CDC42BPA: variants seen among roughly 807,000 people sequenced by gnomAD.
CDC42BPA encodes the protein CDC42 binding protein kinase alpha.
CDC42BPA carries 80 observed loss-of-function variants against 223.5 expected under a neutral mutation model. That is an observed-to-expected ratio of 0.36 (90% confidence interval 0.30 to 0.43). The LOEUF (loss-of-function observed/expected upper bound fraction) is 0.43. Among genes scored for constraint, CDC42BPA ranks in the 20% least tolerant of loss-of-function variants. CDC42BPA has a pLI of 1.00. For missense variants in CDC42BPA, 1,743 were observed against 2,099.9 expected (o/e 0.83, Z 3.32); for synonymous variants, 694 against 718.6 (o/e 0.97, Z 0.55).
intron 5 of CDC42BPA, among the ~76,000 whole-genome samples, chr1:227,187,380 A>AG (rs1668944377): frequency 6.6e-6 from 1 of 151,988 alleles, no homozygotes; most frequent in Non-Finnish European, 1.5e-5. Flanking sequence ...AATAAATAAT[A>AG]TTTTTGATGA....
At chr1:227,257,883 A>G (rs1252271083) in intron 1 of CDC42BPA, among the ~76,000 whole-genome samples, 1 of 151,076 alleles carries the variant, frequency 6.6e-6, no homozygotes, top group Non-Finnish European at 1.5e-5. Context: ...CTAGAACTAA[A>G]AATGGGGCCG....
At chr1:227,090,075 G>A (rs1682796781) in intron 16 of CDC42BPA, among the ~76,000 whole-genome samples, 1 of 152,116 alleles carries the variant, frequency 6.6e-6, no homozygotes, top group Non-Finnish European at 1.5e-5. Flanking sequence ...GGAAATAACT[G>A]TTAAAGTTCA....
intron 35 of CDC42BPA, among the ~76,000 whole-genome samples, chr1:226,999,378 A>G (rs1662306730): frequency 6.6e-6 from 1 of 152,074 alleles, no homozygotes; most frequent in Non-Finnish European, 1.5e-5. Context: ...GGTTTTCACC[A>G]TCTTAGCAAG....
chr1:227,022,830 A>G (rs900789370), intron 32 of CDC42BPA, among the ~76,000 whole-genome samples: 3 of 152,044 alleles, frequency 2.0e-5, no homozygotes, highest in Non-Finnish European at 2.9e-5. Context: ...GCTTCTTCCT[A>G]TGCTGACATC....
rs1694653165 is a variant in CDC42BPA, at chr1:227,317,890, T to C, written c.-708A>G. 2.5e-6 allele frequency: 1 copy of C among 398,618 alleles called. No homozygotes were observed. The highest frequency in any genetic ancestry group is 4.4e-6 in the Non-Finnish European group (1 of 226,060). The allele number at this position is 398,618 out of a possible 1,614,324, so 24.7% of individuals were successfully genotyped here. A position where few individuals can be genotyped will look rare whatever the true frequency, so the allele number is the denominator to read the frequency against. ...CTTTAAGGCTTTGCAGTCAGTCCTA[T>C]TTTCAACGGATTCCGGTGAAAACTC... On this transcript the variant is annotated 5_prime_UTR_variant, in exon 1 of 37. Coordinates refer to ENST00000366766, the MANE Select transcript of CDC42BPA (RefSeq NM_001394014.1).
intron 21 of CDC42BPA, among the ~76,000 whole-genome samples, chr1:227,065,893 T>A (rs1220433409): frequency 6.6e-6 from 1 of 152,172 alleles, no homozygotes; most frequent in Non-Finnish European, 1.5e-5. Flanking sequence ...TTCCCTTCTA[T>A]ACGTACAAGT....
chr1:227,284,527 TA>T (rs1452759541), intron 1 of CDC42BPA, among the ~76,000 whole-genome samples: 3 of 152,192 alleles, frequency 2.0e-5, no homozygotes, highest in Non-Finnish European at 4.4e-5. Flanking sequence ...TTAATACTAA[TA>T]GCACTGGAGA....
chr1:227,019,487 G>A (rs565733931), intron 32 of CDC42BPA, among the ~76,000 whole-genome samples: 2 of 152,166 alleles, frequency 1.3e-5, no homozygotes, highest in South Asian at 2.1e-4. Flanking sequence ...AATCACATAC[G>A]TTCTTAATGG....
rs146133459 is a variant in CDC42BPA at position 227,308,379 on chromosome 1, G to T, written c.178+8626C>A. 2.2e-3 allele frequency among the ~76,000 whole-genome samples: 334 copies of T among 151,914 alleles called. 9 individuals carry two copies. The East Asian group carries it at 0.046, about 21-fold the overall frequency. ...AAAAAAATTAGCCAGGCATGGCAGC[G>T]TGCACCTGTAGTCCCAGCTCCTTGG... On this transcript the variant is annotated intron_variant, in intron 1 of 36. Coordinates refer to ENST00000366766, the MANE Select transcript of CDC42BPA (RefSeq NM_001394014.1).
At chr1:227,240,317 C>A (rs1270570712) in intron 2 of CDC42BPA, among the ~76,000 whole-genome samples, 1 of 152,042 alleles carries the variant, frequency 6.6e-6, no homozygotes, top group East Asian at 1.9e-4. Flanking sequence ...CAGAGACTAA[C>A]AGACTCAACA....
chr1:227,040,939 A>G (rs1671239335), intron 23 of CDC42BPA, among the ~76,000 whole-genome samples: 1 of 152,196 alleles, frequency 6.6e-6, no homozygotes, highest in African/African-American at 2.4e-5. Context: ...TTCTCTTAGC[A>G]TGTTTTAACA....
In CDC42BPA at chr1:227,074,261, T is replaced by C. The variant is rs1042527874; in HGVS notation, c.2584A>G (p.Thr862Ala). 3.1e-6 allele frequency: 5 copies of C among 1,609,298 alleles called. No individual in the cohort carries two copies. The highest frequency in any genetic ancestry group is 4.3e-6 in the Non-Finnish European group (5 of 1,176,104). ...CATGCAAAATCATAGAAGCTTACTG[T>C]TGCTCGTGTACCCAAGCTGGAATTT... ...LRNSSLGTRA[T>A]DMPWKMRRFA... is the part of the protein sequence containing the mutation. Residue 862 changes from threonine to alanine, a missense_variant and splice_region_variant, in exon 18 of 37, where the codon ACA (threonine) becomes GCA (alanine). Physicochemically the swap from Thr to Ala is moderately conservative, Grantham distance 58. Transcript: ENST00000366766.
intron 35 of CDC42BPA, among the ~76,000 whole-genome samples, chr1:227,000,490 A>G (rs1662595700): frequency 6.6e-6 from 1 of 152,196 alleles, no homozygotes; most frequent in Non-Finnish European, 1.5e-5. Flanking sequence ...CTGCTTACTA[A>G]TGGTGTGACC....
intron 5 of CDC42BPA, among the ~76,000 whole-genome samples, chr1:227,186,243 T>A (rs997642876): frequency 7.9e-5 from 12 of 152,304 alleles, no homozygotes; most frequent in Non-Finnish European, 7.4e-5. Context: ...AACCAGGTCC[T>A]CATAGTGAAT....
At position 227,112,838 on chromosome 1, in the gene CDC42BPA, C is replaced by G; in HGVS notation, c.1723G>C (p.Ala575Pro). Reference protein sequence around the residue: ...LKDAHCQRKLAMQEFMEINER... With the variant: ...LKDAHCQRKLPMQEFMEINER... ...TTGATCTCCATGAATTCCTGCATGG[C>G]CAGTTTCCTCTGACAGTGTGCGTCT... is the stretch of plus-strand genomic sequence containing the variant. The change falls in exon 13 of 37, where the codon GCC becomes CCC. Residue 575 changes from alanine (A) to proline (P), a missense_variant. Physicochemically the swap from Ala to Pro is conservative, Grantham distance 27 (BLOSUM62 -1). Transcript: ENST00000366766. The G allele has an allele frequency of 6.2e-7, 1 of 1,614,012 alleles. No individual in the cohort carries two copies. The highest frequency in any genetic ancestry group is 2.2e-5 in the East Asian group (1 of 44,874).
intron 1 of CDC42BPA, among the ~76,000 whole-genome samples, chr1:227,314,409 T>C (rs967965344): frequency 1.5e-4 from 23 of 152,094 alleles, no homozygotes; most frequent in East Asian, 7.7e-4. Flanking sequence ...ACTTATTTCC[T>C]CCCTCAAGCC....
intron 3 of CDC42BPA, among the ~76,000 whole-genome samples, chr1:227,205,041 C>T (rs1672418332): frequency 6.6e-6 from 1 of 151,728 alleles, no homozygotes; most frequent in East Asian, 1.9e-4. Context: ...GATGGATCAC[C>T]TGAGGTTAGG....
At chr1:227,017,147 C>T (rs1297108248) in intron 32 of CDC42BPA, 97 bp from the exon 33 acceptor site, 6 of 1,051,218 alleles carry the variant, frequency 5.7e-6, no homozygotes, top group Admixed American at 2.8e-5. Context: ...ATTGATAGTA[C>T]AAGTACATGC....
chr1:227,131,341 T>C (rs1336695267), intron 10 of CDC42BPA, among the ~76,000 whole-genome samples: 2 of 152,220 alleles, frequency 1.3e-5, no homozygotes. Context: ...AATTCCATTC[T>C]ACATTGCAAG....
Sources: allele counts gnomAD v4.1 joint callset (sites outside exome capture counted in the v4.1 genomes callset), GRCh38; gene constraint gnomAD v4.1.1; transcripts MANE v1.5; gene names NCBI Gene and HGNC (gene_info 2026-07-23, HGNC 2026-07-21).